The following STS variants were observed in gnomAD, a reference collection of about 807,000 sequenced individuals.
STS encodes steryl-sulfatase.
Under a neutral mutation model 26.8 loss-of-function variants are expected in STS, and 7 were observed. The observed-to-expected ratio is 0.26, with a 90% confidence interval of 0.15 to 0.49. The LOEUF is 0.49. Among genes scored for constraint, STS ranks in the 20% least tolerant of loss-of-function variants. The pLI is 0.98. For missense variants in STS, 434 were observed against 465.6 expected (o/e 0.93, Z 0.63); for synonymous variants, 199 against 189.4 (o/e 1.05, Z -0.42).
intron 2 of STS, among the ~76,000 whole-genome samples, chrX:7,231,525 A>AAAGAGAAGG (rs1216140612): frequency 2.7e-5 from 3 of 111,459 alleles, no homozygotes; most frequent in Middle Eastern, 4.6e-3. Flanking sequence ...GGGAAAGTAG[A>AAAGAGAAGG]AAGAGAAGGC....
At chrX:7,219,361 T>C in intron 2 of STS, 1 of 981,404 alleles carries the variant, frequency 1.0e-6, no homozygotes, top group East Asian at 4.2e-5. Context: ...AGTTGCCCCT[T>C]CTGAAGAATC....
At chrX:7,155,637 A>G (rs1210158158) in intron 1 of STS, among the ~76,000 whole-genome samples, 1 of 111,993 alleles carries the variant, frequency 8.9e-6, no homozygotes, top group Non-Finnish European at 1.9e-5. Flanking sequence ...ACAAATGTAT[A>G]TGTTAAATAT....
chrX:7,352,381 A>G lies in STS; in HGVS notation c.*2120A>G, dbSNP rs1928840203. 1.8e-5 allele frequency: 2 copies of G among 112,459 alleles called. No homozygotes were observed. Among genetic ancestry groups the G allele is most frequent in the African/African-American group, 6.5e-5 (2 of 30,989 alleles). The allele number at this position is 112,459 out of a possible 1,213,427, so 9.3% of individuals were successfully genotyped here. On this transcript the variant is annotated 3_prime_UTR_variant, in exon 11 of 11. Coordinates refer to ENST00000674429, the MANE Select transcript of STS (RefSeq NM_001320752.2). ...GTCAATAGCAAATGAAGGATGAAGTATATCTCTAGATGCAAATACATTGAG... is the reference window on the plus strand; with the variant it reads ...GTCAATAGCAAATGAAGGATGAAGTGTATCTCTAGATGCAAATACATTGAG...
At chrX:7,193,188 T>C (rs1352385401) in intron 2 of STS, among the ~76,000 whole-genome samples, 1 of 112,640 alleles carries the variant, frequency 8.9e-6, no homozygotes, top group African/African-American at 3.2e-5. Context: ...GCTTAACAGA[T>C]TCATTTTCCA....
chrX:7,274,768 G>A (rs1247892931), intron 6 of STS, among the ~76,000 whole-genome samples: 2 of 111,958 alleles, frequency 1.8e-5, no homozygotes. Context: ...CCCCTCTCTC[G>A]AGAGGTTTAG....
chrX:7,307,377 C>T (rs1211082510), intron 8 of STS, among the ~76,000 whole-genome samples: 1 of 110,871 alleles, frequency 9.0e-6, no homozygotes, highest in Admixed American at 9.6e-5. Context: ...TCCACTCACC[C>T]AGCGCAGTAA....
At chrX:7,272,665 A>G (rs1236242112) in intron 6 of STS, among the ~76,000 whole-genome samples, 1 of 111,883 alleles carries the variant, frequency 8.9e-6, no homozygotes, top group African/African-American at 3.2e-5. Flanking sequence ...ATGCTCAGAA[A>G]GCAAATGCAG....
At chrX:7,165,861 A>G (rs1008938290) in intron 1 of STS, among the ~76,000 whole-genome samples, 13 of 110,951 alleles carry the variant, frequency 1.2e-4, no homozygotes, top group East Asian at 1.1e-3. Flanking sequence ...GACATTGCCA[A>G]TGTCCCCCGG....
intron 2 of STS, among the ~76,000 whole-genome samples, chrX:7,239,791 C>T (rs1922500155): frequency 9.0e-6 from 1 of 110,609 alleles, no homozygotes; most frequent in Admixed American, 9.7e-5. Flanking sequence ...TTTATCAATA[C>T]CTTCTTGTAA....
In STS at chrX:7,352,166, A is replaced by G. The variant is rs1231604493; in HGVS notation, c.*1905A>G. 2.7e-5 allele frequency: 3 copies of G among 111,751 alleles called. No individual in the cohort carries two copies. Among genetic ancestry groups the G allele is most frequent in the Non-Finnish European group, 5.6e-5 (3 of 53,180 alleles). 9.2% of individuals were successfully genotyped at this position (111,751 alleles called of 1,213,427 possible). ...GATGCTGTCATGTGGAAACTATTTA[A>G]AGGCACTATTATAAATTTATCCTAT... is the stretch of plus-strand genomic sequence containing the variant. On this transcript the variant is annotated 3_prime_UTR_variant, in exon 11 of 11. Transcript: ENST00000674429.
chrX:7,210,956 T>A (rs774623488), intron 2 of STS, among the ~76,000 whole-genome samples: 1 of 111,251 alleles, frequency 9.0e-6, no homozygotes, highest in South Asian at 3.7e-4. Context: ...TAAATGAAGC[T>A]ACTTAGCATG....
At chrX:7,167,208 A>AATTT (rs1235694586) in intron 1 of STS, among the ~76,000 whole-genome samples, 15 of 109,971 alleles carry the variant, frequency 1.4e-4, no homozygotes, top group Middle Eastern at 4.6e-3. Flanking sequence ...GTTGATAAAA[A>AATTT]ATTTATTTAT....
intron 6 of STS, among the ~76,000 whole-genome samples, chrX:7,261,402 T>C (rs1923741534): frequency 1.8e-5 from 2 of 112,318 alleles, no homozygotes; most frequent in African/African-American, 6.5e-5. Flanking sequence ...GAAACTATAT[T>C]AGGGATTTAA....
chrX:7,182,117 T>G (rs1371292443), intron 1 of STS, among the ~76,000 whole-genome samples: 1 of 111,557 alleles, frequency 9.0e-6, no homozygotes, highest in Non-Finnish European at 1.9e-5. Flanking sequence ...CAATGATGAT[T>G]ATTTTTGTCA....
intron 10 of STS, among the ~76,000 whole-genome samples, chrX:7,345,609 G>A (rs933214102): frequency 2.7e-5 from 3 of 111,107 alleles, no homozygotes; most frequent in South Asian, 3.9e-4. Context: ...AGAATCCTTC[G>A]TTATCATGTC....
At chrX:7,189,297 C>T (rs1028813006) in intron 1 of STS, among the ~76,000 whole-genome samples, 4 of 111,684 alleles carry the variant, frequency 3.6e-5, no homozygotes, top group Non-Finnish European at 7.5e-5. Flanking sequence ...TCAATAGGTT[C>T]AAAGCTATCT....
chrX:7,250,158 G>T (rs957997128), intron 2 of STS, among the ~76,000 whole-genome samples: 2 of 110,413 alleles, frequency 1.8e-5, no homozygotes, highest in Non-Finnish European at 3.8e-5. Context: ...CAACTCCTGA[G>T]CTCCCCCAGT....
intron 7 of STS, among the ~76,000 whole-genome samples, chrX:7,299,471 A>T (rs1456266768): frequency 1.9e-5 from 2 of 104,942 alleles, no homozygotes; most frequent in African/African-American, 6.8e-5. Flanking sequence ...ACATATATAC[A>T]TATATGTGTG....
chrX:7,264,266 G>A (rs1923894199), intron 6 of STS, among the ~76,000 whole-genome samples: 1 of 112,271 alleles, frequency 8.9e-6, no homozygotes, highest in Admixed American at 9.4e-5. Context: ...ACAGCAAAAT[G>A]GCATGGTGAA....
Sources: gnomAD v4.1 joint callset for allele counts (sites outside exome capture counted in the v4.1 genomes callset) on GRCh38, gnomAD v4.1.1 for gene constraint, MANE v1.5 for transcripts, NCBI Gene and HGNC (gene_info 2026-07-23, HGNC 2026-07-21) for gene names.